The following ARHGEF11 variants were observed in gnomAD, a reference collection of about 807,000 sequenced individuals.
ARHGEF11 encodes Rho guanine exchange factor (GEF) 11.
In ARHGEF11, 55 loss-of-function variants were observed where a neutral mutation model predicts 193.7. The observed-to-expected ratio is 0.28, with a 90% CI of 0.23 to 0.36. ARHGEF11 has a LOEUF of 0.36. Ranked by LOEUF, ARHGEF11 falls within the 10% of genes least tolerant of loss-of-function variation. ARHGEF11 has a pLI of 1.00. For missense variants in ARHGEF11, 1,723 were observed against 2,005.6 expected (o/e 0.86, Z 2.69); for synonymous variants, 693 against 768.0 (o/e 0.90, Z 1.62).
chr1:156,998,887 C>A (rs1666875665), intron 1 of ARHGEF11, among the ~76,000 whole-genome samples: 1 of 152,196 alleles, frequency 6.6e-6, no homozygotes, highest in South Asian at 2.1e-4. Context: ...GCCAGGAGAC[C>A]TAGATATTGG....
rs547240425 is a variant in ARHGEF11, at chr1:157,032,274, A to G, written c.32+12025T>C. On this transcript the variant is annotated intron_variant, in intron 1 of 40. Transcript: ENST00000368194. ...CAAGGTATTCACCAGCCACCGAAGC[A>G]ATTCCCAGCAGAGTAGAGCCACTGA... 2.6e-5 allele frequency among the ~76,000 whole-genome samples: 4 copies of G among 152,336 alleles called. No homozygotes were observed. In the East Asian group the frequency reaches 7.7e-4, roughly 29 times the overall value.
At chr1:156,979,426 C>CA (rs1663791841) in intron 4 of ARHGEF11, 140 bp from the exon 5 acceptor site, 2 of 595,762 alleles carry the variant, frequency 3.4e-6, no homozygotes, top group African/African-American at 2.1e-5. Context: ...AGTGCAGTGG[C>CA]CCATCTCGGC....
At chr1:156,963,841 T>C (rs977885699) in intron 11 of ARHGEF11, 2 of 1,193,090 alleles carry the variant, frequency 1.7e-6, no homozygotes, top group South Asian at 2.1e-5. Flanking sequence ...CATATGAAGA[T>C]GGGAAGTAGG....
intron 1 of ARHGEF11, among the ~76,000 whole-genome samples, chr1:157,043,236 CAAT>C (rs1672974058): frequency 6.6e-6 from 1 of 152,114 alleles, no homozygotes; most frequent in Non-Finnish European, 1.5e-5. Flanking sequence ...CCTATCTCTC[CAAT>C]AATATTTTTT....
rs559848711 is a variant in ARHGEF11 at position 156,954,380 on chromosome 1, C to CAAAAAA, written c.1798+506_1798+511dup. 6.3e-4 allele frequency among the ~76,000 whole-genome samples: 47 copies of CAAAAAA among 75,152 alleles called. 6 individuals are homozygous for CAAAAAA. Among genetic ancestry groups the CAAAAAA allele is most frequent in the Admixed American group, 9.8e-4 (6 of 6,116 alleles). The allele number at this position is 75,152 out of a possible 152,430, so 49.3% of individuals were successfully genotyped here. On this transcript the variant is annotated intron_variant, in intron 21 of 40. Transcript: ENST00000368194. ...GGGCCACAGAGTGAAACTGTGTCTC[C>CAAAAAA]AAAAAAAAAAAAAAAAAAAAAAAAA... is the stretch of plus-strand genomic sequence containing the variant.
rs1668206621 is a variant in ARHGEF11 at position 157,008,763 on chromosome 1, C to T, written c.33-22590G>A. 3.3e-5 allele frequency among the ~76,000 whole-genome samples: 5 copies of T among 152,158 alleles called. No homozygotes were observed. The South Asian group carries it at 1.0e-3, about 31-fold the overall frequency. ...GTTGGCCATTCTGGAAATAACAACA[C>T]TAGAAGAAGCTGGAAGAATGGGTTC... On this transcript the variant is annotated intron_variant, in intron 1 of 40. Coordinates refer to ENST00000368194, the MANE Select transcript of ARHGEF11 (RefSeq NM_198236.3).
intron 1 of ARHGEF11, among the ~76,000 whole-genome samples, chr1:157,030,555 ACT>A (rs1351533058): frequency 6.6e-6 from 1 of 152,140 alleles, no homozygotes; most frequent in Non-Finnish European, 1.5e-5. Context: ...GGCAAATTTC[ACT>A]GTCTTTCACT....
At chr1:156,974,856 T>C (rs374210796) in intron 7 of ARHGEF11, among the ~76,000 whole-genome samples, 52 of 152,376 alleles carry the variant, frequency 3.4e-4, no homozygotes, top group Middle Eastern at 6.8e-3. Context: ...TTCTTTTTTA[T>C]GGCTGAGTAA....
At chr1:156,944,780 A>G (rs1021470793) in intron 30 of ARHGEF11, among the ~76,000 whole-genome samples, 3 of 152,058 alleles carry the variant, frequency 2.0e-5, no homozygotes, top group African/African-American at 7.2e-5. Context: ...GTTCTACCCC[A>G]TCCCCTGCTC....
At chr1:156,998,976 T>C (rs184935766) in intron 1 of ARHGEF11, among the ~76,000 whole-genome samples, 2 of 152,206 alleles carry the variant, frequency 1.3e-5, no homozygotes, top group East Asian at 1.9e-4. Flanking sequence ...ATCTGATTAT[T>C]AGGAGTAGAA....
intron 8 of ARHGEF11, among the ~76,000 whole-genome samples, chr1:156,971,176 T>C (rs1222772145): frequency 6.6e-6 from 1 of 152,222 alleles, no homozygotes; most frequent in African/African-American, 2.4e-5. Flanking sequence ...TAAAGAATCA[T>C]CTACTCTCTG....
At chr1:156,937,558 G>T (rs779852999) in intron 38 of ARHGEF11, 62 bp from the exon 39 acceptor site, 2 of 1,480,798 alleles carry the variant, frequency 1.4e-6, no homozygotes, top group Admixed American at 4.8e-5. Context: ...CTATCCTCCC[G>T]TTCCTGTGGG....
In ARHGEF11 at chr1:156,988,323, T is replaced by C. The variant is rs541141724; in HGVS notation, c.33-2150A>G. Among the ~76,000 whole-genome samples the C allele has an allele frequency of 1.8e-4, 27 of 152,340 alleles. No individual in the cohort carries two copies. In the South Asian group the frequency reaches 4.1e-3, roughly 23 times the overall value. On this transcript the variant is annotated intron_variant, in intron 1 of 40. Coordinates refer to ENST00000368194, the MANE Select transcript of ARHGEF11 (RefSeq NM_198236.3). The stretch of plus-strand genomic sequence containing the variant: ...TCTTGGTCCCTGCTCTTTACTGTCC[T>C]CCTTTCACTTGCTATGGTTTCTGGC...
intron 1 of ARHGEF11, among the ~76,000 whole-genome samples, chr1:157,034,900 G>A (rs1671719487): frequency 6.6e-6 from 1 of 152,176 alleles, no homozygotes; most frequent in Non-Finnish European, 1.5e-5. Context: ...TGTAGGGTTT[G>A]GTGATATTAA....
At chr1:156,936,403 G>A (rs929040492) in intron 40 of ARHGEF11, among the ~76,000 whole-genome samples, 38 of 149,334 alleles carry the variant, frequency 2.5e-4, no homozygotes, top group African/African-American at 9.2e-4. Flanking sequence ...AGGCTGAGGT[G>A]GGTGGATCAC....
At chr1:156,980,375 A>G in intron 4 of ARHGEF11, 62 bp downstream of exon 4, 1 of 1,558,936 alleles carries the variant, frequency 6.4e-7, no homozygotes, top group African/African-American at 1.4e-5. Context: ...GGCCAAGGCC[A>G]GGAGTGCCCT....
chr1:157,007,885 C>T (rs570003601), intron 1 of ARHGEF11, among the ~76,000 whole-genome samples: 12 of 149,236 alleles, frequency 8.0e-5, no homozygotes, highest in African/African-American at 3.0e-4. Flanking sequence ...AATGTAAGCT[C>T]CAAGAAGGCA....
At chr1:156,940,021 G>A (rs1206960328) in intron 36 of ARHGEF11, 111 bp from the exon 37 acceptor site, 1 of 1,516,620 alleles carries the variant, frequency 6.6e-7, no homozygotes, top group Non-Finnish European at 8.8e-7. Context: ...CACAGGTGAA[G>A]CTGGAGGGCT....
chr1:156,997,144 C>T (rs1161408583), intron 1 of ARHGEF11, among the ~76,000 whole-genome samples: 1 of 151,916 alleles, frequency 6.6e-6, no homozygotes, highest in Non-Finnish European at 1.5e-5. Flanking sequence ...GCTGGGATTA[C>T]AAGTGTGAGA....
Sources: allele counts gnomAD v4.1 joint callset (sites outside exome capture counted in the v4.1 genomes callset), GRCh38; gene constraint gnomAD v4.1.1; transcripts MANE v1.5; gene names NCBI Gene and HGNC (gene_info 2026-07-23, HGNC 2026-07-21).